RIN3: variants seen among roughly 807,000 people sequenced by gnomAD.
RIN3 encodes the protein RAB5 interacting protein 3.
Under a neutral mutation model 76.3 loss-of-function variants are expected in RIN3, and 54 were observed. The ratio of observed to expected loss-of-function variants is 0.71; its 90% confidence interval spans 0.57 to 0.89. The LOEUF is 0.89. RIN3 is among the 40% of genes least tolerant of loss of function. The pLI is 0.00. For missense variants in RIN3, 1,256 were observed against 1,322.1 expected (o/e 0.95, Z 0.78); for synonymous variants, 576 against 564.0 (o/e 1.02, Z -0.30).
chr14:92,626,351 G>C (rs1027028262), intron 4 of RIN3, among the ~76,000 whole-genome samples: 2 of 152,062 alleles, frequency 1.3e-5, no homozygotes, highest in African/African-American at 4.8e-5. Context: ...ACATTAATTC[G>C]ACCCAGGTAT....
At chr14:92,563,961 G>A (rs1897850501) in intron 2 of RIN3, among the ~76,000 whole-genome samples, 1 of 152,172 alleles carries the variant, frequency 6.6e-6, no homozygotes, top group East Asian at 1.9e-4. Context: ...CTGAGGATAT[G>A]AGGACCTTTG....
rs375422092 is a variant in RIN3, at chr14:92,624,356, C to T, written c.440+8877C>T. On this transcript the variant is annotated intron_variant, in intron 4 of 9. Coordinates refer to ENST00000216487, the MANE Select transcript of RIN3 (RefSeq NM_024832.5). The stretch of plus-strand genomic sequence containing the variant: ...TACATCTGCTCCCATACCATAGAAA[C>T]GGTTTAGGGTGGGGGAGGAATCTTG... Among the ~76,000 whole-genome samples the T allele has an allele frequency of 9.9e-5, 15 of 152,116 alleles. No individual in the cohort carries two copies. The East Asian group carries it at 2.9e-3, about 29-fold the overall frequency.
chr14:92,535,294 AGGGCTTG>A (rs1250859008), intron 1 of RIN3, among the ~76,000 whole-genome samples: 2 of 148,984 alleles, frequency 1.3e-5, no homozygotes, highest in African/African-American at 4.9e-5. Context: ...TCTCCCACTC[AGGGCTTG>A]TGCTTTCATT....
rs1414172263 is a variant in RIN3, at chr14:92,513,825, GC to G, written c.-105del. 1 of 702,866 alleles carries G rather than the reference GC, an allele frequency of 1.4e-6. No individual in the cohort carries two copies. Among genetic ancestry groups the G allele is most frequent in the Non-Finnish European group, 2.0e-6 (1 of 507,154 alleles). 43.5% of individuals were successfully genotyped at this position (702,866 alleles called of 1,614,324 possible). A position where few individuals can be genotyped will look rare whatever the true frequency, so the allele number is the denominator to read the frequency against. The stretch of plus-strand genomic sequence containing the variant: ...AGAGCGCGGCGGCAGCGGCGGCCTG[GC>G]CCTTCCAGAGGGCCAGAGCCAGGGA... On this transcript the variant is annotated 5_prime_UTR_variant, in exon 1 of 10. Transcript: ENST00000216487.
At chr14:92,591,443 CT>C (rs1398535568) in intron 3 of RIN3, among the ~76,000 whole-genome samples, 3 of 152,062 alleles carry the variant, frequency 2.0e-5, no homozygotes, top group Non-Finnish European at 4.4e-5. Context: ...TGACTGAGAA[CT>C]TCCTCAAATT....
chr14:92,625,520 A>G (rs992201534), intron 4 of RIN3, among the ~76,000 whole-genome samples: 5 of 152,192 alleles, frequency 3.3e-5, no homozygotes, highest in Admixed American at 2.0e-4. Flanking sequence ...CTTCAACTCA[A>G]TGGGTGAGGT....
At chr14:92,524,028 A>G (rs1238313761) in intron 1 of RIN3, among the ~76,000 whole-genome samples, 4 of 152,166 alleles carry the variant, frequency 2.6e-5, no homozygotes, top group Non-Finnish European at 5.9e-5. Context: ...CCCCGTCTCT[A>G]CAAAAAATTT....
intron 2 of RIN3, among the ~76,000 whole-genome samples, chr14:92,566,846 C>T (rs567027170): frequency 7.0e-4 from 107 of 152,278 alleles, no homozygotes; most frequent in Non-Finnish European, 1.3e-3. Flanking sequence ...GTCTCCTTAC[C>T]AACCTGCACC....
chr14:92,555,900 A>C lies in RIN3; in HGVS notation c.194A>C (p.Gln65Pro). ...ATCAAAACATGCCCGGTGTGGCTGCAGCTGAGTCTGGGCCAGGCAGAGGTG... is the reference window on the plus strand; with the variant it reads ...ATCAAAACATGCCCGGTGTGGCTGCCGCTGAGTCTGGGCCAGGCAGAGGTG... ...KLIKTCPVWL[Q>P]LSLGQAEVAR... The change falls in exon 2 of 10, where the codon CAG becomes CCG. Residue 65 changes from glutamine to proline, a missense_variant. Physicochemically the swap from Gln to Pro is moderately conservative, Grantham distance 76. Transcript: ENST00000216487. 6.2e-7 allele frequency: 1 copy of C among 1,613,960 alleles called. No individual in the cohort carries two copies. The highest frequency in any genetic ancestry group is 8.5e-7 in the Non-Finnish European group (1 of 1,180,034).
chr14:92,622,327 G>C (rs1237706113), intron 4 of RIN3, among the ~76,000 whole-genome samples: 2 of 152,186 alleles, frequency 1.3e-5, no homozygotes, highest in African/African-American at 4.8e-5. Context: ...GCACCACTTT[G>C]CATGTGTTCC....
At chr14:92,624,042 C>T (rs1477625071) in intron 4 of RIN3, among the ~76,000 whole-genome samples, 4 of 152,242 alleles carry the variant, frequency 2.6e-5, no homozygotes, top group African/African-American at 2.4e-5. Context: ...GGAAAGGGGA[C>T]GACTTGGGCC....
chr14:92,591,369 A>G (rs1884973134), intron 3 of RIN3, among the ~76,000 whole-genome samples: 1 of 152,192 alleles, frequency 6.6e-6, no homozygotes, highest in South Asian at 2.1e-4. Flanking sequence ...GGTGTAACAG[A>G]CATATAATGG....
chr14:92,569,913 G>C (rs948300033), intron 2 of RIN3, among the ~76,000 whole-genome samples: 3 of 152,102 alleles, frequency 2.0e-5, no homozygotes, highest in East Asian at 1.9e-4. Flanking sequence ...TATAGGCAAG[G>C]GTCTTCTATT....
At chr14:92,570,103 G>A (rs1898022807) in intron 2 of RIN3, among the ~76,000 whole-genome samples, 1 of 152,184 alleles carries the variant, frequency 6.6e-6, no homozygotes, top group Non-Finnish European at 1.5e-5. Flanking sequence ...TGTGTCCCCT[G>A]CACGTGCAAC....
chr14:92,638,610 C>A (rs1012833330), intron 4 of RIN3, among the ~76,000 whole-genome samples: 1 of 152,192 alleles, frequency 6.6e-6, no homozygotes, highest in Non-Finnish European at 1.5e-5. Flanking sequence ...TGACAGGCCA[C>A]CACGTAACTG....
chr14:92,537,495 C>A (rs901651248), intron 1 of RIN3, among the ~76,000 whole-genome samples: 1 of 152,138 alleles, frequency 6.6e-6, no homozygotes, highest in Non-Finnish European at 1.5e-5. Context: ...TGCAACTGTA[C>A]GTATAAGTTC....
chr14:92,645,719 G>T (rs1887174093), intron 5 of RIN3, among the ~76,000 whole-genome samples: 1 of 152,226 alleles, frequency 6.6e-6, no homozygotes, highest in Admixed American at 6.5e-5. Context: ...ACTGTGGGAG[G>T]CCAAGGCGGG....
Position 92,614,016 on chromosome 14 carries a change from G to T in RIN3, c.368-1391G>T, listed in dbSNP as rs139039346. 5.1e-4 allele frequency among the ~76,000 whole-genome samples: 77 copies of T among 152,264 alleles called. 1 individual carries two copies. In the South Asian group the frequency reaches 0.015, roughly 30 times the overall value. ...CCTGCTGAGCCTCTCTGGGCCCTTCGCCCTGGCTTTCCCAAGCAGGGCAGA... is the reference window on the plus strand; with the variant it reads ...CCTGCTGAGCCTCTCTGGGCCCTTCTCCCTGGCTTTCCCAAGCAGGGCAGA... On this transcript the variant is annotated intron_variant, in intron 3 of 9. Coordinates refer to ENST00000216487, the MANE Select transcript of RIN3 (RefSeq NM_024832.5).
chr14:92,632,514 G>A (rs1204669684), intron 4 of RIN3, among the ~76,000 whole-genome samples: 9 of 152,194 alleles, frequency 5.9e-5, no homozygotes, highest in Non-Finnish European at 1.5e-5. Flanking sequence ...CTCAAAAAAC[G>A]ATCAAGCATG....
Sources: allele counts gnomAD v4.1 joint callset (sites outside exome capture counted in the v4.1 genomes callset), GRCh38; gene constraint gnomAD v4.1.1; transcripts MANE v1.5; gene names NCBI Gene and HGNC (gene_info 2026-07-23, HGNC 2026-07-21).